The following SPATA13 variants were observed in gnomAD, a reference collection of about 807,000 sequenced individuals.
The protein encoded by SPATA13 is spermatogenesis-associated protein 13.
A neutral mutation model predicts 104.0 loss-of-function variants in SPATA13; 50 were observed. That is an observed-to-expected ratio of 0.48 (90% CI 0.38 to 0.61). SPATA13 has a LOEUF of 0.61. Among genes scored for constraint, SPATA13 ranks in the 20% least tolerant of loss-of-function variants. The pLI is 0.00. For synonymous variants in SPATA13, 606 were observed against 667.5 expected, an observed-to-expected ratio of 0.91 and a Z score of 1.42; for missense variants, 1,524 against 1,690.6, an observed-to-expected ratio of 0.90 and a Z score of 1.73.
In SPATA13 at chr13:24,095,426, T is replaced by C. The variant is rs181511120; in HGVS notation, c.-112+77725T>C. Among the ~76,000 whole-genome samples the C allele has an allele frequency of 6.6e-5, 10 of 152,038 alleles. No homozygotes were observed. In the East Asian group the frequency reaches 1.9e-3, roughly 29 times the overall value. ...CAGGGCTGGGGTAGGGGGTGCAGAA[T>C]AGGGGAGTTAAATTTAACGGGTACA... is the stretch of plus-strand genomic sequence containing the variant. On this transcript the variant is annotated intron_variant, in intron 3 of 14. Transcript: ENST00000424834.
intron 3 of SPATA13, among the ~76,000 whole-genome samples, chr13:24,029,856 A>G (rs1156522129): frequency 1.3e-5 from 2 of 152,058 alleles, no homozygotes; most frequent in Non-Finnish European, 2.9e-5. Context: ...GCTCTCACTT[A>G]TAAGTGAGAA....
In SPATA13 at chr13:24,220,113, C is replaced by T. The variant is rs889322300; in HGVS notation, c.-111-2706C>T. On this transcript the variant is annotated intron_variant, in intron 1 of 12. Transcript: ENST00000382108. ...GAATTCCTCATGGGACCCGCACAGA[C>T]GCTTGTACCCAGTAGATGCTCATGA... 5.9e-5 allele frequency among the ~76,000 whole-genome samples: 9 copies of T among 152,254 alleles called. No homozygotes were observed. In the South Asian group the frequency reaches 1.2e-3, roughly 21 times the overall value.
At chr13:24,243,667 G>A (rs1006967349) in intron 2 of SPATA13, among the ~76,000 whole-genome samples, 1 of 152,180 alleles carries the variant, frequency 6.6e-6, no homozygotes, top group Non-Finnish European at 1.5e-5. Flanking sequence ...GGTAAAATGT[G>A]CCTGGCATAG....
At chr13:24,224,812 A>G in intron 2 of SPATA13, 1 of 609,882 alleles carries the variant, frequency 1.6e-6, no homozygotes, top group Non-Finnish European at 3.0e-6. Flanking sequence ...CATTGAGATG[A>G]CATTTGCCAC....
intron 1 of SPATA13, among the ~76,000 whole-genome samples, chr13:24,204,735 A>G (rs1276265412): frequency 6.6e-6 from 1 of 152,238 alleles, no homozygotes; most frequent in South Asian, 2.1e-4. Flanking sequence ...TTCAGTTAGC[A>G]TAATGTCCTC....
intron 3 of SPATA13, among the ~76,000 whole-genome samples, chr13:24,127,974 C>T (rs1343154037): frequency 3.3e-5 from 5 of 152,210 alleles, no homozygotes. Context: ...TAAATGACAG[C>T]AAATTGCTCT....
At chr13:24,039,937 A>G (rs1329198155) in intron 3 of SPATA13, among the ~76,000 whole-genome samples, 1 of 152,178 alleles carries the variant, frequency 6.6e-6, no homozygotes, top group Non-Finnish European at 1.5e-5. Context: ...ACTCCTGTGT[A>G]TGGTGAGGGC....
At chr13:24,297,770 T>A in intron 11 of SPATA13, 35 bp downstream of exon 11, 2 of 1,577,718 alleles carry the variant, frequency 1.3e-6, no homozygotes, top group African/African-American at 1.3e-5. Context: ...CACCTGTGCC[T>A]CTGCTTGCTG....
intron 3 of SPATA13, among the ~76,000 whole-genome samples, chr13:24,104,246 T>TTTG (rs1483229892): frequency 6.6e-6 from 1 of 152,050 alleles, no homozygotes; most frequent in African/African-American, 2.4e-5. Flanking sequence ...TGGGTTTTTT[T>TTTG]TTTTTGTTTT....
intron 4 of SPATA13, among the ~76,000 whole-genome samples, chr13:24,268,849 C>T (rs528604751): frequency 3.3e-5 from 5 of 152,252 alleles, no homozygotes; most frequent in South Asian, 2.1e-4. Flanking sequence ...ACTTGTAGTG[C>T]GGGTTACTAA....
chr13:24,260,683 C>G (rs575104579), intron 4 of SPATA13, among the ~76,000 whole-genome samples: 1 of 152,260 alleles, frequency 6.6e-6, no homozygotes, highest in South Asian at 2.1e-4. Context: ...TGAGAATTGA[C>G]AGCTTGGAAA....
In SPATA13 at chr13:24,163,553, T is replaced by C. The variant is rs369474673; in HGVS notation, c.-112+2621T>C. 1.3e-4 allele frequency among the ~76,000 whole-genome samples: 20 copies of C among 152,396 alleles called. 1 individual carries two copies. The South Asian group carries it at 3.9e-3, about 30-fold the overall frequency. On this transcript the variant is annotated intron_variant, in intron 1 of 12. Coordinates refer to ENST00000382108, the MANE Select transcript of SPATA13 (RefSeq NM_001166271.3). ...AGTCTTATTTATATCCATTTCATTA[T>C]GTAATCTTAAAGCCTTGTCCAAACA... is the stretch of plus-strand genomic sequence containing the variant.
chr13:24,262,092 G>A (rs748431129), intron 4 of SPATA13, among the ~76,000 whole-genome samples: 7 of 152,260 alleles, frequency 4.6e-5, no homozygotes, highest in East Asian at 1.9e-4. Context: ...AGAAAATTCC[G>A]TTTCTTGATT....
chr13:24,154,658 C>T (rs1397679234), intron 3 of SPATA13, among the ~76,000 whole-genome samples: 1 of 152,164 alleles, frequency 6.6e-6, no homozygotes, highest in African/African-American at 2.4e-5. Flanking sequence ...TATTTTCACA[C>T]TTTTAAGCGA....
Position 24,297,613 on chromosome 13 carries a change from A to G in SPATA13, c.3461A>G (p.Lys1154Arg). The change falls in exon 11 of 13, where the codon AAG (lysine) becomes AGG (arginine). Residue 1154 changes from lysine (K) to arginine (R), a missense_variant. By Grantham distance (26) the Lys-to-Arg change is conservative. This residue lies in a region of SPATA13 where 435 missense variants were observed against 554.8 expected (regional missense o/e 0.78). Coordinates refer to ENST00000382108, the MANE Select transcript of SPATA13 (RefSeq NM_001166271.3). Reference protein sequence around the residue: ...DCNLSVKNAFKLVSRTTDEVY... With the variant: ...DCNLSVKNAFRLVSRTTDEVY... ...AACCTCAGCGTGAAAAATGCCTTCA[A>G]GCTCGTCAGTAGGACCACAGACGAG... 1.2e-6 allele frequency: 2 copies of G among 1,614,236 alleles called. No homozygotes were observed. The highest frequency in any genetic ancestry group is 2.7e-5 in the African/African-American group (2 of 75,064).
intron 3 of SPATA13, among the ~76,000 whole-genome samples, chr13:24,035,329 A>G (rs1489147326): frequency 6.6e-6 from 1 of 152,072 alleles, no homozygotes; most frequent in Admixed American, 6.6e-5. Flanking sequence ...TAATTTTTAT[A>G]TTTTTAATAG....
At chr13:24,257,346 G>A (rs1450088640) in intron 4 of SPATA13, among the ~76,000 whole-genome samples, 2 of 152,164 alleles carry the variant, frequency 1.3e-5, no homozygotes, top group Non-Finnish European at 2.9e-5. Context: ...GTCGATATGG[G>A]TAGACCCCTT....
At chr13:24,030,568 GC>G (rs1458514242) in intron 3 of SPATA13, among the ~76,000 whole-genome samples, 2 of 152,138 alleles carry the variant, frequency 1.3e-5, no homozygotes, top group Non-Finnish European at 2.9e-5. Flanking sequence ...CAGCCCCAGA[GC>G]CTAGAGCTTT....
At chr13:24,288,925 G>T in intron 7 of SPATA13, 74 bp from the exon 8 acceptor site, 2 of 1,302,962 alleles carry the variant, frequency 1.5e-6, no homozygotes, top group Non-Finnish European at 2.1e-6. Flanking sequence ...ATGGCTTTAG[G>T]CCTACAAAAG....
Sources: allele counts gnomAD v4.1 joint callset (sites outside exome capture counted in the v4.1 genomes callset), GRCh38; gene constraint gnomAD v4.1.1; regional missense constraint gnomAD v4.1.1; transcripts MANE v1.5; gene names NCBI Gene and HGNC (gene_info 2026-07-23, HGNC 2026-07-21).